LRRIQ1: variants seen among roughly 807,000 people sequenced by gnomAD.
The protein encoded by LRRIQ1 is leucine-rich repeat- and IQ domain-containing protein 1.
LRRIQ1 carries 210 observed loss-of-function variants against 211.9 expected under a neutral mutation model. The observed-to-expected ratio is 0.99, with a 90% confidence interval of 0.89 to 1.11. The LOEUF (loss-of-function observed/expected upper bound fraction) is 1.11, where lower values mean the gene tolerates loss of function less well. LRRIQ1 is among the 50% of genes most tolerant of loss of function. LRRIQ1 has a pLI of 0.00. For synonymous variants in LRRIQ1, 699 were observed against 650.1 expected, an observed-to-expected ratio of 1.08 and a Z score of -1.14; for missense variants, 2,136 against 1,939.5, an observed-to-expected ratio of 1.10 and a Z score of -1.90.
At chr12:85,158,965 A>C (rs1256489838) in intron 23 of LRRIQ1, among the ~76,000 whole-genome samples, 1 of 151,910 alleles carries the variant, frequency 6.6e-6, no homozygotes, top group Non-Finnish European at 1.5e-5. Context: ...TATCAAAATC[A>C]AGTGATTTTT....
chr12:85,184,694 A>G (rs1424583934), intron 24 of LRRIQ1, among the ~76,000 whole-genome samples: 1 of 151,970 alleles, frequency 6.6e-6, no homozygotes, highest in Admixed American at 6.6e-5. Flanking sequence ...GTAATTGACT[A>G]TAGTTTGTTT....
chr12:85,062,963 C>T (rs1882011519), intron 8 of LRRIQ1, among the ~76,000 whole-genome samples: 1 of 151,804 alleles, frequency 6.6e-6, no homozygotes, highest in African/African-American at 2.4e-5. Flanking sequence ...TGGTGTTGAG[C>T]ATTTTTTCTT....
At chr12:85,139,787 TTAATC>T (rs761622227) in intron 19 of LRRIQ1, among the ~76,000 whole-genome samples, 1 of 151,388 alleles carries the variant, frequency 6.6e-6, no homozygotes, top group Non-Finnish European at 1.5e-5. Flanking sequence ...AAATTCAACA[TTAATC>T]TATTAGGTTA....
chr12:85,086,584 A>G (rs1039043044), intron 11 of LRRIQ1, among the ~76,000 whole-genome samples: 2 of 150,780 alleles, frequency 1.3e-5, no homozygotes, highest in South Asian at 2.1e-4. Flanking sequence ...TCTTTTCTTT[A>G]TAAATTACCC....
chr12:85,192,036 G>T (rs1172403486), intron 24 of LRRIQ1, among the ~76,000 whole-genome samples: 1 of 151,618 alleles, frequency 6.6e-6, no homozygotes, highest in Non-Finnish European at 1.5e-5. Context: ...ATGCAGATTT[G>T]TTACAAAGGT....
At chr12:85,219,651 G>A (rs1195431943) in intron 24 of LRRIQ1, among the ~76,000 whole-genome samples, 1 of 151,812 alleles carries the variant, frequency 6.6e-6, no homozygotes, top group Non-Finnish European at 1.5e-5. Flanking sequence ...TGGTGCTAAT[G>A]TTAGCCTTTG....
chr12:85,097,597 T>G (rs1251017423), intron 11 of LRRIQ1, among the ~76,000 whole-genome samples: 4 of 152,178 alleles, frequency 2.6e-5, no homozygotes, highest in Admixed American at 6.6e-5. Flanking sequence ...CTCATCCTTT[T>G]TTATGGCTAC....
intron 24 of LRRIQ1, among the ~76,000 whole-genome samples, chr12:85,200,327 A>G (rs1315661719): frequency 6.6e-6 from 1 of 152,120 alleles, no homozygotes; most frequent in East Asian, 1.9e-4. Flanking sequence ...TTGTATGCTG[A>G]CATTTTGCTG....
chr12:85,218,769 T>G (rs182608145), intron 24 of LRRIQ1, among the ~76,000 whole-genome samples: 69 of 152,128 alleles, frequency 4.5e-4, no homozygotes, highest in African/African-American at 1.6e-3. Context: ...AAAAGCAATA[T>G]CCTATTAACA....
chr12:85,123,792 A>T (rs891798258), intron 16 of LRRIQ1, among the ~76,000 whole-genome samples: 13 of 152,152 alleles, frequency 8.5e-5, no homozygotes, highest in African/African-American at 3.1e-4. Context: ...AATTTTTCTC[A>T]TTCATTTATA....
In LRRIQ1 at chr12:85,056,994, T is replaced by G. The variant is rs754002077; in HGVS notation, c.2201T>G (p.Leu734Arg). The G allele has an allele frequency of 1.2e-6, 2 of 1,606,806 alleles. No homozygotes were observed. The highest frequency in any genetic ancestry group is 2.2e-5 in the South Asian group (2 of 89,634). ...ACCTGCTGTGTATCAGAGTCAACCC[T>G]TCTATATTCTATTGAAGAAAGGAGA... ...SMTCCVSEST[L>R]LYSIEERRLA... Residue 734 changes from leucine to arginine, a missense_variant, in exon 8 of 27, where the codon CTT (leucine) becomes CGT (arginine). Physicochemically the swap from Leu to Arg is moderately radical, Grantham distance 102 (BLOSUM62 -2). Transcript: ENST00000393217.
At position 85,047,362 on chromosome 12, in the gene LRRIQ1, A is replaced by C; in HGVS notation, c.570A>C (p.Lys190Asn). The change falls in exon 6 of 27, where the codon AAA (lysine) becomes AAC (asparagine). Residue 190 changes from lysine to asparagine, a missense_variant. Transcript: ENST00000393217. ...AAGATAAAGAGAAACAAACTCTCAA[A>C]GCTCAGAGGGATAGAGAAGAAAAAC... ...ELEDKEKQTL[K>N]AQRDREEKQF... 6.2e-7 allele frequency: 1 copy of C among 1,607,002 alleles called. No homozygotes were observed. Among genetic ancestry groups the C allele is most frequent in the Non-Finnish European group, 8.5e-7 (1 of 1,173,810 alleles).
At chr12:85,151,080 C>G (rs1890211298) in intron 19 of LRRIQ1, among the ~76,000 whole-genome samples, 1 of 151,226 alleles carries the variant, frequency 6.6e-6, no homozygotes, top group Non-Finnish European at 1.5e-5. Context: ...TCTCATATAA[C>G]TGACAAATAG....
chr12:85,244,338 T>C (rs1187145252), intron 26 of LRRIQ1, among the ~76,000 whole-genome samples: 1 of 151,560 alleles, frequency 6.6e-6, no homozygotes, highest in African/African-American at 2.4e-5. Context: ...TATGCAAGCA[T>C]AGGGTGAAAG....
intron 19 of LRRIQ1, among the ~76,000 whole-genome samples, chr12:85,141,373 G>A: frequency 6.6e-6 from 1 of 151,096 alleles, no homozygotes. Context: ...TACTCTGCTG[G>A]TGGATTTCTC....
At chr12:85,058,565 T>C (rs913493447) in intron 8 of LRRIQ1, among the ~76,000 whole-genome samples, 1 of 152,024 alleles carries the variant, frequency 6.6e-6, no homozygotes, top group Admixed American at 6.6e-5. Flanking sequence ...TGTAGGTCTC[T>C]GTTCTGTCCA....
At chr12:85,060,326 A>G (rs1207651426) in intron 8 of LRRIQ1, among the ~76,000 whole-genome samples, 1 of 151,992 alleles carries the variant, frequency 6.6e-6, no homozygotes, top group Non-Finnish European at 1.5e-5. Flanking sequence ...GAGAAGACTA[A>G]AGAGCAATAA....
At chr12:85,163,362 G>A (rs185708973) in intron 24 of LRRIQ1, among the ~76,000 whole-genome samples, 1 of 152,180 alleles carries the variant, frequency 6.6e-6, no homozygotes, top group Admixed American at 6.5e-5. Flanking sequence ...CCAGAAAAGT[G>A]AGGAAGATCA....
the LRRIQ1 span, among the ~76,000 whole-genome samples, chr12:85,270,033 T>C: frequency 6.6e-6 from 1 of 151,896 alleles, no homozygotes; most frequent in African/African-American, 2.4e-5. Context: ...ATTAATCCCA[T>C]CATGAGGACC....
Sources: allele counts gnomAD v4.1 joint callset (sites outside exome capture counted in the v4.1 genomes callset), GRCh38; gene constraint gnomAD v4.1.1; transcripts MANE v1.5; gene names NCBI Gene and HGNC (gene_info 2026-07-23, HGNC 2026-07-21).